Variants in NEDD9 observed in about 807,000 individuals in gnomAD.
NEDD9 encodes the protein neural precursor cell expressed, developmentally down-regulated 9, also known as enhancer of filamentation 1.
NEDD9 carries 26 observed loss-of-function variants against 76.6 expected under a neutral mutation model. The ratio of observed to expected loss-of-function variants is 0.34; its 90% CI spans 0.25 to 0.47. The LOEUF (loss-of-function observed/expected upper bound fraction) is 0.47, where lower values mean the gene tolerates loss of function less well. NEDD9 is among the 20% of genes least tolerant of loss of function. The pLI, the probability that NEDD9 is intolerant of heterozygous loss-of-function variation, is 1.00. For synonymous variants in NEDD9, 392 were observed against 414.2 expected, an observed-to-expected ratio of 0.95 and a Z score of 0.65; for missense variants, 937 against 1,058.5, an observed-to-expected ratio of 0.89 and a Z score of 1.59.
chr6:11,355,271 T>C (rs993253679), intron 1 of NEDD9, among the ~76,000 whole-genome samples: 11 of 152,198 alleles, frequency 7.2e-5, no homozygotes, highest in African/African-American at 2.6e-4. Flanking sequence ...CCTTCTGGAA[T>C]GAGGGAATAA....
At chr6:11,339,384 G>A (rs1423315709) in intron 1 of NEDD9, among the ~76,000 whole-genome samples, 1 of 152,080 alleles carries the variant, frequency 6.6e-6, no homozygotes, top group Non-Finnish European at 1.5e-5. Flanking sequence ...TCACTTCTCA[G>A]CCTGGATGAG....
chr6:11,297,207 G>A (rs1760921781), intron 3 of NEDD9, among the ~76,000 whole-genome samples: 1 of 151,484 alleles, frequency 6.6e-6, no homozygotes, highest in Non-Finnish European at 1.5e-5. Flanking sequence ...TGGAGCAATG[G>A]TAAATGTTTA....
chr6:11,319,712 A>T (rs1406077253), intron 2 of NEDD9, among the ~76,000 whole-genome samples: 4 of 130,454 alleles, frequency 3.1e-5, no homozygotes, highest in Admixed American at 2.4e-4. Context: ...ATGCACACAC[A>T]AACATGCACA....
At chr6:11,189,010 G>A (rs564923130) in intron 5 of NEDD9, among the ~76,000 whole-genome samples, 4 of 149,902 alleles carry the variant, frequency 2.7e-5, no homozygotes, top group East Asian at 4.0e-4. Context: ...CCAGTGGCAC[G>A]ATCTTAGCTC....
At chr6:11,290,510 C>T (rs1760740779) in intron 3 of NEDD9, among the ~76,000 whole-genome samples, 1 of 152,174 alleles carries the variant, frequency 6.6e-6, no homozygotes, top group African/African-American at 2.4e-5. Context: ...CTGGCACTTG[C>T]TCCTTGAGGT....
At chr6:11,187,596 A>G (rs1055131122) in intron 6 of NEDD9, among the ~76,000 whole-genome samples, 1 of 152,230 alleles carries the variant, frequency 6.6e-6, no homozygotes, top group African/African-American at 2.4e-5. Flanking sequence ...ACGTGGCCCA[A>G]TCAGACTCTT....
At chr6:11,272,129 G>T (rs1268701078) in intron 3 of NEDD9, among the ~76,000 whole-genome samples, 2 of 152,116 alleles carry the variant, frequency 1.3e-5, no homozygotes, top group Non-Finnish European at 2.9e-5. Flanking sequence ...CCTTTCCATG[G>T]GTGCTGAGCC....
At chr6:11,358,558 A>AGAGTC (rs749029604) in intron 1 of NEDD9, among the ~76,000 whole-genome samples, 13 of 152,360 alleles carry the variant, frequency 8.5e-5, no homozygotes, top group Admixed American at 2.0e-4. Flanking sequence ...AGCAGTTTGA[A>AGAGTC]GAGTCAAGTC....
intron 3 of NEDD9, among the ~76,000 whole-genome samples, chr6:11,270,395 A>G (rs887860006): frequency 5.6e-5 from 8 of 143,800 alleles, no homozygotes; most frequent in Non-Finnish European, 1.1e-4. Flanking sequence ...TAAATGTTCC[A>G]GGGATCTCAA....
chr6:11,238,224 C>G (rs1759647101), intron 3 of NEDD9, among the ~76,000 whole-genome samples: 1 of 152,166 alleles, frequency 6.6e-6, no homozygotes, highest in East Asian at 1.9e-4. Context: ...ATTGTTCTTA[C>G]TTTACACTTC....
intron 1 of NEDD9, among the ~76,000 whole-genome samples, chr6:11,230,134 CAAAT>C (rs1021044307): frequency 6.6e-6 from 1 of 152,184 alleles, no homozygotes; most frequent in African/African-American, 2.4e-5. Context: ...TCGAATTAAA[CAAAT>C]AACTGCCAAA....
chr6:11,284,387 C>T (rs1431980088), intron 3 of NEDD9, among the ~76,000 whole-genome samples: 1 of 126,596 alleles, frequency 7.9e-6, no homozygotes, highest in Non-Finnish European at 1.6e-5. Flanking sequence ...AACCCCGTCT[C>T]TACTAAAAAA....
chr6:11,213,546 C>G lies in NEDD9; in HGVS notation c.194G>C (p.Gly65Ala). 6.2e-7 allele frequency: 1 copy of G among 1,614,166 alleles called. No homozygotes were observed. The highest frequency in any genetic ancestry group is 8.5e-7 in the Non-Finnish European group (1 of 1,180,028). The change falls in exon 2 of 7, where the codon GGT (glycine) becomes GCT (alanine). Residue 65 changes from glycine to alanine, a missense_variant. Gly to Ala is a moderately conservative substitution (Grantham distance 60). Transcript: ENST00000379446. This position sits in a 1 kb window ranked among gnomAD's most constrained non-coding sequence, Gnocchi z 5.4. Reference protein sequence around the residue: ...VPGNRVKLLIGPMQETASSHE... With the variant: ...VPGNRVKLLIAPMQETASSHE... ...ACTGGAGGCAGTCTCCTGCATGGGACCAATCAGAAGCTTCACCCGGTTGCC... is the reference window on the plus strand; with the variant it reads ...ACTGGAGGCAGTCTCCTGCATGGGAGCAATCAGAAGCTTCACCCGGTTGCC...
chr6:11,342,152 T>TA (rs1260880448), intron 1 of NEDD9, among the ~76,000 whole-genome samples: 1 of 150,786 alleles, frequency 6.6e-6, no homozygotes, highest in Non-Finnish European at 1.5e-5. Context: ...AGAACAGAAA[T>TA]AAAAAATATT....
At chr6:11,299,738 C>T (rs989033102) in intron 3 of NEDD9, among the ~76,000 whole-genome samples, 2 of 152,182 alleles carry the variant, frequency 1.3e-5, no homozygotes, top group Non-Finnish European at 2.9e-5. Flanking sequence ...ATTAGACCTC[C>T]AGCAAACTCC....
At chr6:11,319,619 A>T (rs199933026) in intron 2 of NEDD9, among the ~76,000 whole-genome samples, 4 of 147,036 alleles carry the variant, frequency 2.7e-5, no homozygotes, top group Non-Finnish European at 4.5e-5. Flanking sequence ...ACTCACACTC[A>T]CACACACACA....
intron 1 of NEDD9, among the ~76,000 whole-genome samples, chr6:11,354,369 T>C (rs1762528071): frequency 6.6e-6 from 1 of 152,170 alleles, no homozygotes; most frequent in Non-Finnish European, 1.5e-5. Flanking sequence ...GCTTATCATT[T>C]TTCGGATGGA....
intron 1 of NEDD9, among the ~76,000 whole-genome samples, chr6:11,380,814 TC>T (rs1250106082): frequency 6.6e-6 from 1 of 152,106 alleles, no homozygotes; most frequent in Non-Finnish European, 1.5e-5. Context: ...TTCTTCTTCT[TC>T]TTCTTCTTCT....
At chr6:11,259,935 A>AACAC (rs55634199) in intron 3 of NEDD9, among the ~76,000 whole-genome samples, 10 of 142,502 alleles carry the variant, frequency 7.0e-5, no homozygotes, top group South Asian at 4.8e-4. Context: ...CTGCGCCCTT[A>AACAC]ACACACACAC....
Sources: gnomAD v4.1 joint callset for allele counts (sites outside exome capture counted in the v4.1 genomes callset) on GRCh38, gnomAD v4.1.1 for gene constraint, Gnocchi (gnomAD v3.1) non-coding constraint, MANE v1.5 for transcripts, NCBI Gene and HGNC (gene_info 2026-07-23, HGNC 2026-07-21) for gene names.